DLG2: variants seen among roughly 807,000 people sequenced by gnomAD.
The protein encoded by DLG2 is disks large homolog 2.
Under a neutral mutation model 132.5 loss-of-function variants are expected in DLG2, and 45 were observed. The observed-to-expected ratio is 0.34, with a 90% CI of 0.27 to 0.44. The LOEUF is 0.44. Ranked by LOEUF, DLG2 falls within the 20% of genes least tolerant of loss-of-function variation. The pLI is 1.00. For missense variants in DLG2, 1,045 were observed against 1,196.9 expected, an observed-to-expected ratio of 0.87 and a Z score of 1.87; for synonymous variants, 424 against 419.6, an observed-to-expected ratio of 1.01 and a Z score of -0.13.
chr11:84,425,162 ATGAG>A (rs1567600958), intron 7 of DLG2, among the ~76,000 whole-genome samples: 1 of 152,096 alleles, frequency 6.6e-6, no homozygotes, highest in Non-Finnish European at 1.5e-5. Flanking sequence ...CAAGGGGCAA[ATGAG>A]TATTTGTTGA....
At chr11:84,121,608 C>A (rs549725523) in intron 9 of DLG2, among the ~76,000 whole-genome samples, 14 of 124,738 alleles carry the variant, frequency 1.1e-4, no homozygotes, top group Non-Finnish European at 2.2e-4. Context: ...GTGGCCCAGG[C>A]TGGAGTGCAG....
intron 6 of DLG2, among the ~76,000 whole-genome samples, chr11:84,638,729 G>A (rs1398883718): frequency 1.3e-5 from 2 of 152,114 alleles, no homozygotes; most frequent in African/African-American, 4.8e-5. Flanking sequence ...AACTCACCAT[G>A]GGACTTAACA....
chr11:85,492,899 A>C (rs1464336016), intron 3 of DLG2, among the ~76,000 whole-genome samples: 5 of 152,144 alleles, frequency 3.3e-5, no homozygotes, highest in Non-Finnish European at 7.4e-5. Flanking sequence ...TTGCCTTTAC[A>C]TGCCCTAAAT....
chr11:85,138,418 GT>G (rs2076257359), intron 5 of DLG2, among the ~76,000 whole-genome samples: 1 of 152,070 alleles, frequency 6.6e-6, no homozygotes, highest in South Asian at 2.1e-4. Flanking sequence ...AATCCAAATA[GT>G]TGTGTGCAAG....
intron 9 of DLG2, among the ~76,000 whole-genome samples, chr11:84,106,174 T>C (rs1185536821): frequency 2.0e-5 from 3 of 152,152 alleles, no homozygotes; most frequent in Non-Finnish European, 4.4e-5. Flanking sequence ...GAAATGTCCC[T>C]TGATAGAAAG....
chr11:85,134,906 C>T lies in DLG2; in HGVS notation c.282+19650G>A, dbSNP rs75962245. Among the ~76,000 whole-genome samples, 327 of 152,228 alleles carry T rather than the reference C, an allele frequency of 2.1e-3. 1 individual carries two copies. The highest frequency in any genetic ancestry group is 7.5e-3 in the African/African-American group (313 of 41,546). ...GCTATCCTACTGATGTAAGAAATTTCAAGTAAGTTTCAAGTTAAACACCAC... is the reference window on the plus strand; with the variant it reads ...GCTATCCTACTGATGTAAGAAATTTTAAGTAAGTTTCAAGTTAAACACCAC... On this transcript the variant is annotated intron_variant, in intron 5 of 27. Coordinates refer to ENST00000376104, the MANE Select transcript of DLG2 (RefSeq NM_001142699.3).
chr11:85,092,647 T>G (rs2068978743), intron 6 of DLG2, among the ~76,000 whole-genome samples: 1 of 151,490 alleles, frequency 6.6e-6, no homozygotes, highest in Admixed American at 6.6e-5. Flanking sequence ...ACGTGACTTT[T>G]TTTTTTTTTT....
intron 7 of DLG2, among the ~76,000 whole-genome samples, chr11:84,382,290 C>T (rs2098751570): frequency 6.6e-6 from 1 of 152,076 alleles, no homozygotes; most frequent in Non-Finnish European, 1.5e-5. Context: ...AGACAGCTGT[C>T]ATCAAACTAG....
intron 19 of DLG2, among the ~76,000 whole-genome samples, chr11:83,626,396 G>T (rs2062535710): frequency 6.6e-6 from 1 of 152,160 alleles, no homozygotes; most frequent in Non-Finnish European, 1.5e-5. Flanking sequence ...ATTCATCACT[G>T]TGCCCTTAAC....
chr11:85,567,875 A>G (rs985915654), intron 3 of DLG2, among the ~76,000 whole-genome samples: 6 of 152,174 alleles, frequency 3.9e-5, no homozygotes, highest in African/African-American at 1.4e-4. Flanking sequence ...GTATCCATTG[A>G]GACAATCATT....
chr11:83,750,846 C>T (rs1174327869), intron 18 of DLG2, among the ~76,000 whole-genome samples: 1 of 152,174 alleles, frequency 6.6e-6, no homozygotes, highest in Admixed American at 6.5e-5. Flanking sequence ...TCCTAACTTA[C>T]AGTCCAGATA....
rs2063465451 is a variant in DLG2 at position 84,733,750 on chromosome 11, C to T, written c.358-199019G>A. Among the ~76,000 whole-genome samples, 7 of 152,236 alleles carry T rather than the reference C, an allele frequency of 4.6e-5. No individual in the cohort carries two copies. In the South Asian group the frequency reaches 1.5e-3, roughly 32 times the overall value. On this transcript the variant is annotated intron_variant, in intron 6 of 27. Coordinates refer to ENST00000376104, the MANE Select transcript of DLG2 (RefSeq NM_001142699.3). Reference sequence around the variant, plus strand: ...TGAATGGTAATGCCTAGGTTTTCTTCTAGGGTTTTTATGGTTTTAGGTCTA... The same window carrying T: ...TGAATGGTAATGCCTAGGTTTTCTTTTAGGGTTTTTATGGTTTTAGGTCTA...
At chr11:85,115,342 T>C (rs2073413412) in intron 5 of DLG2, among the ~76,000 whole-genome samples, 1 of 152,010 alleles carries the variant, frequency 6.6e-6, no homozygotes, top group Non-Finnish European at 1.5e-5. Context: ...CATCCATTCA[T>C]GTAGTTGGTC....
intron 7 of DLG2, among the ~76,000 whole-genome samples, chr11:84,332,336 A>C (rs1157036067): frequency 3.3e-5 from 5 of 150,278 alleles, no homozygotes; most frequent in Admixed American, 2.7e-4. Context: ...CTCAGCCTCT[A>C]GAGTAGCTGG....
chr11:83,906,102 T>C lies in DLG2; in HGVS notation c.1496+24226A>G, dbSNP rs1044347975. 9.7e-3 allele frequency among the ~76,000 whole-genome samples: 731 copies of C among 75,146 alleles called. 10 individuals carry two copies. The highest frequency in any genetic ancestry group is 0.044 in the African/African-American group (669 of 15,136). The allele number at this position is 75,146 out of a possible 152,430, so 49.3% of individuals were successfully genotyped here. Reference sequence around the variant, plus strand: ...CTCTCTATATATATATATATATATATATACATATATAGTTTTGCACTATAA... The same window carrying C: ...CTCTCTATATATATATATATATATACATACATATATAGTTTTGCACTATAA... On this transcript the variant is annotated intron_variant, in intron 15 of 27. Coordinates refer to ENST00000376104, the MANE Select transcript of DLG2 (RefSeq NM_001142699.3).
intron 15 of DLG2, among the ~76,000 whole-genome samples, chr11:83,913,415 G>T (rs1375032977): frequency 6.6e-6 from 1 of 152,062 alleles, no homozygotes; most frequent in Non-Finnish European, 1.5e-5. Context: ...CAGGCACATT[G>T]CTGGCACTAG....
chr11:84,887,734 C>T (rs1201781311), intron 6 of DLG2, among the ~76,000 whole-genome samples: 2 of 152,122 alleles, frequency 1.3e-5, no homozygotes, highest in South Asian at 2.1e-4. Flanking sequence ...AATTACTTGC[C>T]CATAGTCACA....
chr11:84,286,998 G>A (rs993350756), intron 7 of DLG2, among the ~76,000 whole-genome samples: 3 of 152,060 alleles, frequency 2.0e-5, no homozygotes, highest in Non-Finnish European at 4.4e-5. Flanking sequence ...TACACTTTGG[G>A]CCTCAGTTTC....
chr11:83,742,123 T>G (rs1312301132), intron 18 of DLG2, among the ~76,000 whole-genome samples: 1 of 152,062 alleles, frequency 6.6e-6, no homozygotes, highest in African/African-American at 2.4e-5. Flanking sequence ...AAACGTTTTC[T>G]GAATAAACAA....
Sources: allele counts gnomAD v4.1 joint callset (sites outside exome capture counted in the v4.1 genomes callset), GRCh38; gene constraint gnomAD v4.1.1; transcripts MANE v1.5; gene names NCBI Gene and HGNC (gene_info 2026-07-23, HGNC 2026-07-21).